The following PPM1F variants were observed in gnomAD, a reference collection of about 807,000 sequenced individuals.
The protein encoded by PPM1F is protein phosphatase 1F.
PPM1F carries 17 observed loss-of-function variants against 35.5 expected under a neutral mutation model. The observed-to-expected ratio is 0.48, with a 90% CI of 0.33 to 0.72. PPM1F has a LOEUF of 0.72. PPM1F is among the 30% of genes least tolerant of loss of function. The pLI, the probability that PPM1F is intolerant of heterozygous loss-of-function variation, is 0.02. For synonymous variants in PPM1F, 241 were observed against 255.5 expected (o/e 0.94, Z 0.54); for missense variants, 521 against 613.0 (o/e 0.85, Z 1.59).
chr22:21,934,552 TA>T (rs1354304043), intron 3 of PPM1F: 6 of 308,542 alleles, frequency 1.9e-5, no homozygotes, highest in African/African-American at 8.8e-5. Context: ...TAATTAGAAA[TA>T]CTATATATCC....
At chr22:21,934,691 C>T (rs186911748) in intron 3 of PPM1F, 1 of 154,188 alleles carries the variant, frequency 6.5e-6, no homozygotes, top group Admixed American at 6.5e-5. Context: ...TCGAGACCAG[C>T]CTAGCCAACA....
chr22:21,944,657 C>T (rs1359319183), intron 2 of PPM1F: 2 of 152,360 alleles, frequency 1.3e-5, no homozygotes, highest in African/African-American at 4.8e-5. Context: ...GAGCTGTCCC[C>T]TGTGCCAGAC....
chr22:21,926,916 G>A (rs145585867), intron 6 of PPM1F, among the ~76,000 whole-genome samples: 101 of 152,340 alleles, frequency 6.6e-4, no homozygotes, highest in African/African-American at 2.3e-3. Flanking sequence ...CTCTCCAGAT[G>A]CCTGCACCAA....
intron 1 of PPM1F, chr22:21,947,524 C>A (rs1382958656): frequency 1.3e-5 from 2 of 152,242 alleles, no homozygotes; most frequent in Non-Finnish European, 2.9e-5. Flanking sequence ...AAACTGCATT[C>A]TTTTATGGTG....
Position 21,933,593 on chromosome 22 carries a change from G to T in PPM1F, c.559-14C>A. 1 of 1,598,690 alleles carries T rather than the reference G, an allele frequency of 6.3e-7. No homozygotes were observed. Among genetic ancestry groups the T allele is most frequent in the Non-Finnish European group, 8.6e-7 (1 of 1,168,058 alleles). The stretch of plus-strand genomic sequence containing the variant: ...GTTCACAGGGTCCTGGTGGGGATGT[G>T]GTGGGAGTCACAGACCCGCGGGACC... On this transcript the variant is annotated splice_polypyrimidine_tract_variant and intron_variant, in intron 4 of 7. Transcript: ENST00000263212.
chr22:21,939,655 C>T lies in PPM1F; in HGVS notation c.232G>A (p.Ala78Thr), dbSNP rs954965582. The stretch of plus-strand genomic sequence containing the variant: ...TGTGAAACTGCTTCGTGGGCCAGAG[C>T]AGCAGCAAGTGGTGGCGGGGCCTTC... ...SRKAPPPLAA[A>T]LAHEAVSQLL... Residue 78 changes from alanine (A) to threonine (T), a missense_variant, in exon 3 of 8, where the codon GCT becomes ACT. Physicochemically the swap from Ala to Thr is moderately conservative, Grantham distance 58. Around this residue, in one of 3 missense-constraint regions of PPM1F, gnomAD observed 311 missense variants for 351.5 expected, o/e 0.88. Coordinates refer to ENST00000263212, the MANE Select transcript of PPM1F (RefSeq NM_014634.4). The surrounding 1 kb of genome is among the most constrained non-coding windows in gnomAD (Gnocchi z 5.1). The T allele has an allele frequency of 2.6e-6, 4 of 1,554,270 alleles. No homozygotes were observed. In the African/African-American group the frequency reaches 5.5e-5, roughly 21 times the overall value.
chr22:21,934,402 T>G (rs1043121083), intron 3 of PPM1F, 176 bp from the exon 4 acceptor site: 2 of 592,374 alleles, frequency 3.4e-6, no homozygotes, highest in African/African-American at 3.8e-5. Flanking sequence ...ATTAGAAATG[T>G]CTAGTTTGGC....
In PPM1F at chr22:21,937,870, G is replaced by A. The variant is rs61517217; in HGVS notation, c.355+1662C>T. On this transcript the variant is annotated intron_variant, in intron 3 of 7. Coordinates refer to ENST00000263212, the MANE Select transcript of PPM1F (RefSeq NM_014634.4). ...CCGCAACCTCGCTTCTGGATTCTTCGCTGATCCAGTCACCGGGGAGGGGCT... is the reference window on the plus strand; with the variant it reads ...CCGCAACCTCGCTTCTGGATTCTTCACTGATCCAGTCACCGGGGAGGGGCT... 1,033 of 318,288 alleles carry A rather than the reference G, an allele frequency of 3.2e-3. 5 individuals are homozygous for A. The highest frequency in any genetic ancestry group is 0.022 in the African/African-American group (959 of 43,972). 19.7% of individuals were successfully genotyped at this position (318,288 alleles called of 1,614,324 possible).
In PPM1F at chr22:21,939,484, T is replaced by C; in HGVS notation, c.355+48A>G. 6.2e-7 allele frequency: 1 copy of C among 1,605,444 alleles called. No individual in the cohort carries two copies. Among genetic ancestry groups the C allele is most frequent in the East Asian group, 2.2e-5 (1 of 44,804 alleles). On this transcript the variant is annotated intron_variant, in intron 3 of 7. Transcript: ENST00000263212. This position sits in a 1 kb window ranked among gnomAD's most constrained non-coding sequence, Gnocchi z 5.1. ...CTTCCCACAATGTCGTCACCCTTTGTTGCCTGCTAAGCAGCCCTGGGGCCA... is the reference window on the plus strand; with the variant it reads ...CTTCCCACAATGTCGTCACCCTTTGCTGCCTGCTAAGCAGCCCTGGGGCCA...
At position 21,922,850 on chromosome 22, in the gene PPM1F, C is replaced by T. The variant is rs1254810289; in HGVS notation, c.*242G>A. 3.6e-5 allele frequency: 19 copies of T among 522,108 alleles called. No homozygotes were observed. The highest frequency in any genetic ancestry group is 4.7e-5 in the Non-Finnish European group (14 of 297,684). 32.3% of individuals were successfully genotyped at this position (522,108 alleles called of 1,614,324 possible). A position where few individuals can be genotyped will look rare whatever the true frequency, so the allele number is the denominator to read the frequency against. The stretch of plus-strand genomic sequence containing the variant: ...CCTAATAGGAGCTGGGAGCAAGAGC[C>T]GGTCCATCTTCTCTTTGGTGAGGTC... On this transcript the variant is annotated 3_prime_UTR_variant, in exon 8 of 8. Coordinates refer to ENST00000263212, the MANE Select transcript of PPM1F (RefSeq NM_014634.4).
chr22:21,927,879 G>C (rs2070534931), intron 6 of PPM1F, among the ~76,000 whole-genome samples: 1 of 151,754 alleles, frequency 6.6e-6, no homozygotes, highest in Admixed American at 6.6e-5. Context: ...CCCAGGCTAA[G>C]GGGTCTTGTC....
chr22:21,952,435 T>C, intron 1 of PPM1F: 1 of 149,752 alleles, frequency 6.7e-6, no homozygotes, highest in Non-Finnish European at 1.5e-5. Flanking sequence ...ATGGGGCGCG[T>C]CCCCCTCAGC....
chr22:21,929,240 G>A (rs960732511), intron 6 of PPM1F, among the ~76,000 whole-genome samples: 1 of 152,178 alleles, frequency 6.6e-6, no homozygotes, highest in Non-Finnish European at 1.5e-5. Flanking sequence ...CAAGCCTACA[G>A]AGCATGGCGG....
intron 2 of PPM1F, chr22:21,945,573 C>T: frequency 1.1e-5 from 5 of 470,896 alleles, no homozygotes; most frequent in Middle Eastern, 5.6e-4. Flanking sequence ...CTCTTCCCTG[C>T]AGCCTTTGAG....
intron 3 of PPM1F, chr22:21,938,198 T>C (rs1353043659): frequency 7.7e-7 from 1 of 1,303,148 alleles, no homozygotes; most frequent in Non-Finnish European, 1.0e-6. Flanking sequence ...CAACGCTCCT[T>C]CTCACCGGCA....
Position 21,945,995 on chromosome 22 carries a change from C to A in PPM1F, c.54G>T (p.Glu18Asp), listed in dbSNP as rs765430160. The change falls in exon 2 of 8, where the codon GAG (glutamate) becomes GAT (aspartate). Residue 18 changes from glutamate (E) to aspartate (D), a missense_variant. Physicochemically the swap from Glu to Asp is conservative, Grantham distance 45. Around this residue, in one of 3 missense-constraint regions of PPM1F, gnomAD observed 311 missense variants for 351.5 expected, o/e 0.88. Transcript: ENST00000263212. ...KSSPMASGAE[E>D]TPGFLDTLLQ... ...GGAGCGTGTCCAGGAAGCCTGGGGT[C>A]TCCTCAGCTCCACTGGCCATTGGGC... The A allele has an allele frequency of 6.2e-7, 1 of 1,603,076 alleles. No individual in the cohort carries two copies. Among genetic ancestry groups the A allele is most frequent in the African/African-American group, 1.3e-5 (1 of 74,592 alleles).
At chr22:21,937,928 G>A (rs2070678379) in intron 3 of PPM1F, 1 of 413,946 alleles carries the variant, frequency 2.4e-6, no homozygotes, top group Non-Finnish European at 4.0e-6. Flanking sequence ...TCAGCCACTC[G>A]CTGCTCTTCA....
chr22:21,948,307 C>CA (rs1373468124), intron 1 of PPM1F: 1 of 120,626 alleles, frequency 8.3e-6, no homozygotes, highest in Non-Finnish European at 1.8e-5. Flanking sequence ...CGCCACCCCC[C>CA]CCCCACCCCC....
At chr22:21,949,670 AGAGGGAC>A (rs928895765) in intron 1 of PPM1F, 5 of 152,310 alleles carry the variant, frequency 3.3e-5, no homozygotes, top group African/African-American at 1.2e-4. Flanking sequence ...ACTCCGAATA[AGAGGGAC>A]GTGTGCATGA....
Sources: gnomAD v4.1 joint callset for allele counts (sites outside exome capture counted in the v4.1 genomes callset) on GRCh38, gnomAD v4.1.1 for gene constraint, gnomAD v4.1.1 regional missense constraint, Gnocchi (gnomAD v3.1) non-coding constraint, MANE v1.5 for transcripts, NCBI Gene and HGNC (gene_info 2026-07-23, HGNC 2026-07-21) for gene names.